The following SUCLG2 variants were observed in gnomAD, a reference collection of about 807,000 sequenced individuals.
SUCLG2 encodes succinate-CoA ligase GDP-forming subunit beta, also known as succinate--CoA ligase [GDP-forming] subunit beta, mitochondrial.
SUCLG2 carries 42 observed loss-of-function variants against 47.9 expected under a neutral mutation model. The observed-to-expected ratio is 0.88, with a 90% confidence interval of 0.69 to 1.14. The LOEUF is 1.14. SUCLG2 is among the 50% of genes most tolerant of loss of function. The pLI is 0.00. For synonymous variants in SUCLG2, 195 were observed against 197.3 expected (o/e 0.99, Z 0.10); for missense variants, 571 against 525.9 (o/e 1.09, Z -0.84).
chr3:67,560,193 G>C (rs942311081), intron 2 of SUCLG2, among the ~76,000 whole-genome samples: 1 of 152,200 alleles, frequency 6.6e-6, no homozygotes, highest in African/African-American at 2.4e-5. Context: ...TTTGGAGATT[G>C]AGTTGTTGAA....
intron 9 of SUCLG2, among the ~76,000 whole-genome samples, chr3:67,460,613 T>C (rs76375333): frequency 0.033 from 4,973 of 152,256 alleles, 134 homozygotes; most frequent in East Asian, 0.13. Flanking sequence ...ATTTTACAGC[T>C]GAGGAAACTG....
intron 4 of SUCLG2, among the ~76,000 whole-genome samples, chr3:67,520,844 G>C (rs879326352): frequency 3.7e-4 from 57 of 152,216 alleles, no homozygotes; most frequent in Non-Finnish European, 7.5e-4. Context: ...TAACTTGTTC[G>C]AGTGACAGGT....
chr3:67,464,562 T>C (rs908435579), intron 9 of SUCLG2, among the ~76,000 whole-genome samples: 17 of 152,228 alleles, frequency 1.1e-4, no homozygotes, highest in African/African-American at 3.9e-4. Flanking sequence ...AGCAGATGTC[T>C]ACACTCCTTC....
At chr3:67,554,718 T>C (rs532350147) in intron 2 of SUCLG2, among the ~76,000 whole-genome samples, 1 of 152,304 alleles carries the variant, frequency 6.6e-6, no homozygotes, top group East Asian at 1.9e-4. Context: ...GGAGTTGCAA[T>C]TTCATAATGA....
At chr3:67,430,098 A>G (rs973929796) in intron 9 of SUCLG2, among the ~76,000 whole-genome samples, 1 of 152,228 alleles carries the variant, frequency 6.6e-6, no homozygotes, top group Admixed American at 6.5e-5. Flanking sequence ...CACCAAGTGG[A>G]CCTAATAGAC....
intron 2 of SUCLG2, among the ~76,000 whole-genome samples, chr3:67,594,195 G>A (rs970104923): frequency 7.2e-5 from 11 of 152,306 alleles, no homozygotes; most frequent in Middle Eastern, 3.4e-3. Flanking sequence ...GGGATGGTTT[G>A]TTACCTAGCG....
At chr3:67,627,938 G>A (rs1700862953) in intron 1 of SUCLG2, among the ~76,000 whole-genome samples, 1 of 152,148 alleles carries the variant, frequency 6.6e-6, no homozygotes, top group South Asian at 2.1e-4. Context: ...CTTGGGTTGG[G>A]GGTGGGGGAC....
At chr3:67,642,371 G>A (rs1701116423) in intron 1 of SUCLG2, among the ~76,000 whole-genome samples, 1 of 152,112 alleles carries the variant, frequency 6.6e-6, no homozygotes, top group Non-Finnish European at 1.5e-5. Context: ...TTAGGAGGCT[G>A]AGGTGGGAGG....
intron 1 of SUCLG2, among the ~76,000 whole-genome samples, chr3:67,627,594 C>T (rs1478720220): frequency 6.6e-6 from 1 of 152,216 alleles, no homozygotes; most frequent in Non-Finnish European, 1.5e-5. Flanking sequence ...CTGCAAATTA[C>T]TTTCTCTTTC....
chr3:67,532,800 G>T (rs1020818725), intron 2 of SUCLG2, among the ~76,000 whole-genome samples: 2 of 152,138 alleles, frequency 1.3e-5, no homozygotes, highest in Non-Finnish European at 2.9e-5. Context: ...ACCTTACTCT[G>T]TGGTCTTTTT....
intron 2 of SUCLG2, among the ~76,000 whole-genome samples, chr3:67,563,810 A>G (rs1013460680): frequency 6.6e-6 from 1 of 151,976 alleles, no homozygotes; most frequent in African/African-American, 2.4e-5. Context: ...ATACAAAAAA[A>G]ATTAGCTGGG....
chr3:67,403,388 A>C (rs1702733735), intron 9 of SUCLG2, among the ~76,000 whole-genome samples: 1 of 152,212 alleles, frequency 6.6e-6, no homozygotes, highest in South Asian at 2.1e-4. Flanking sequence ...AGCACAATCC[A>C]TGATATGGCA....
intron 7 of SUCLG2, among the ~76,000 whole-genome samples, chr3:67,507,704 A>G (rs984704059): frequency 3.9e-5 from 6 of 152,202 alleles, no homozygotes; most frequent in African/African-American, 1.4e-4. Context: ...AGGAGAAAAT[A>G]TTGTCTCATC....
At chr3:67,474,089 T>C (rs1479735458) in intron 9 of SUCLG2, among the ~76,000 whole-genome samples, 1 of 151,982 alleles carries the variant, frequency 6.6e-6, no homozygotes, top group Non-Finnish European at 1.5e-5. Flanking sequence ...AACCCGTCTT[T>C]ACTAAAAATA....
intron 9 of SUCLG2, among the ~76,000 whole-genome samples, chr3:67,442,812 A>G (rs1380763115): frequency 6.6e-6 from 1 of 152,184 alleles, no homozygotes; most frequent in African/African-American, 2.4e-5. Flanking sequence ...TCACAACTTG[A>G]CAAGAAATAT....
chr3:67,377,002 C>T (rs1235169612), intron 10 of SUCLG2, among the ~76,000 whole-genome samples: 3 of 152,218 alleles, frequency 2.0e-5, no homozygotes, highest in Non-Finnish European at 4.4e-5. Context: ...TGTTTCCATA[C>T]AGAGCACTAT....
intron 1 of SUCLG2, among the ~76,000 whole-genome samples, chr3:67,618,313 G>A (rs936667589): frequency 2.0e-5 from 3 of 152,154 alleles, no homozygotes; most frequent in East Asian, 1.9e-4. Context: ...CCAGCTACAG[G>A]GAGGCGGGGA....
chr3:67,478,045 T>C (rs553359572), intron 9 of SUCLG2, among the ~76,000 whole-genome samples: 4 of 152,274 alleles, frequency 2.6e-5, no homozygotes, highest in Admixed American at 2.0e-4. Context: ...AAGGCACACA[T>C]AGATTAAGTT....
At chr3:67,482,900 C>T (rs549791634) in intron 9 of SUCLG2, among the ~76,000 whole-genome samples, 18 of 152,244 alleles carry the variant, frequency 1.2e-4, no homozygotes, top group Admixed American at 2.6e-4. Context: ...GACACCTAAA[C>T]GTTTGCTCAA....
Sources: gnomAD v4.1 joint callset for allele counts (sites outside exome capture counted in the v4.1 genomes callset) on GRCh38, gnomAD v4.1.1 for gene constraint, MANE v1.5 for transcripts, NCBI Gene and HGNC (gene_info 2026-07-23, HGNC 2026-07-21) for gene names.